OTUD7A: variants seen among roughly 807,000 people sequenced by gnomAD.
OTUD7A encodes the protein OTU deubiquitinase 7A.
A neutral mutation model predicts 65.7 loss-of-function variants in OTUD7A; 12 were observed. The observed-to-expected ratio is 0.18, with a 90% CI of 0.12 to 0.30. The LOEUF is 0.30. OTUD7A is among the 10% of genes least tolerant of loss of function. The pLI, the probability that OTUD7A is intolerant of heterozygous loss-of-function variation, is 1.00. For missense variants in OTUD7A, 1,148 were observed against 1,304.8 expected, an observed-to-expected ratio of 0.88 and a Z score of 1.85; for synonymous variants, 641 against 586.3, an observed-to-expected ratio of 1.09 and a Z score of -1.35.
intron 1 of OTUD7A, among the ~76,000 whole-genome samples, chr15:31,762,562 C>T (rs1894995375): frequency 6.6e-6 from 1 of 152,250 alleles, no homozygotes; most frequent in Admixed American, 6.5e-5. Context: ...CTAAACAGTA[C>T]ACCAAAGGCT....
At chr15:31,795,552 G>C (rs1454014706) in intron 1 of OTUD7A, among the ~76,000 whole-genome samples, 1 of 152,208 alleles carries the variant, frequency 6.6e-6, no homozygotes, top group Non-Finnish European at 1.5e-5. Flanking sequence ...TTTCTGGGAG[G>C]TGAGAACAGT....
At chr15:31,834,836 G>A (rs1458499064) in intron 1 of OTUD7A, among the ~76,000 whole-genome samples, 2 of 152,218 alleles carry the variant, frequency 1.3e-5, no homozygotes, top group African/African-American at 2.4e-5. Flanking sequence ...AAGGGTAATT[G>A]CAAATAGGAC....
rs1433130580 is a variant in OTUD7A, at chr15:31,743,858, T to C, written c.-99-86781A>G. On this transcript the variant is annotated intron_variant, in intron 1 of 12. Coordinates refer to ENST00000307050, the MANE Select transcript of OTUD7A (RefSeq NM_001382637.1). ...TAGCAAGACTGATGAAAGAGAGAAA[T>C]GAGAAGGTGAGGGAGGGAAAGAGGG... 2.6e-5 allele frequency among the ~76,000 whole-genome samples: 4 copies of C among 151,434 alleles called. No individual in the cohort carries two copies. In the East Asian group the frequency reaches 7.8e-4, roughly 29 times the overall value.
At chr15:31,765,601 A>G in intron 1 of OTUD7A, 1 of 556,542 alleles carries the variant, frequency 1.8e-6, no homozygotes, top group African/African-American at 1.9e-5. Context: ...CACATTGATA[A>G]ACATCTATTT....
chr15:31,703,145 A>G (rs1893251937), intron 1 of OTUD7A, among the ~76,000 whole-genome samples: 2 of 152,100 alleles, frequency 1.3e-5, no homozygotes, highest in African/African-American at 4.8e-5. Flanking sequence ...ATATAAGACT[A>G]CAAAACTTTT....
At chr15:31,835,367 G>A (rs181988235) in intron 1 of OTUD7A, among the ~76,000 whole-genome samples, 6 of 152,234 alleles carry the variant, frequency 3.9e-5, no homozygotes, top group Admixed American at 1.3e-4. Context: ...TAGGCATCCC[G>A]TATTATTATC....
chr15:31,793,986 GC>G (rs1895885683), intron 1 of OTUD7A, among the ~76,000 whole-genome samples: 1 of 152,224 alleles, frequency 6.6e-6, no homozygotes, highest in South Asian at 2.1e-4. Context: ...AATTATTTTT[GC>G]CTTATAATTT....
chr15:31,856,943 C>G (rs528426078), intron 1 of OTUD7A, among the ~76,000 whole-genome samples: 1 of 152,328 alleles, frequency 6.6e-6, no homozygotes, highest in African/African-American at 2.4e-5. Flanking sequence ...GAGCCCCTCT[C>G]TTTTTCCAGG....
intron 4 of OTUD7A, among the ~76,000 whole-genome samples, chr15:31,566,480 A>G (rs1015947463): frequency 6.6e-6 from 1 of 152,258 alleles, no homozygotes; most frequent in Admixed American, 6.5e-5. Flanking sequence ...GCCACGTTAC[A>G]AAGGGGAAAT....
chr15:31,777,268 T>C (rs1895408472), intron 1 of OTUD7A, among the ~76,000 whole-genome samples: 1 of 152,188 alleles, frequency 6.6e-6, no homozygotes, highest in Admixed American at 6.5e-5. Flanking sequence ...TCATTCCACA[T>C]GACCTTATCA....
intron 1 of OTUD7A, among the ~76,000 whole-genome samples, chr15:31,739,842 G>A (rs12910216): frequency 6.6e-6 from 1 of 152,082 alleles, no homozygotes; most frequent in Non-Finnish European, 1.5e-5. Flanking sequence ...AAAGTGCTGG[G>A]ATTAAAGGCT....
intron 1 of OTUD7A, among the ~76,000 whole-genome samples, chr15:31,678,940 G>A (rs1471331588): frequency 6.6e-6 from 1 of 152,218 alleles, no homozygotes; most frequent in Non-Finnish European, 1.5e-5. Context: ...CTCAACACAA[G>A]CCTGTGAAAG....
chr15:31,564,838 G>GA (rs1348575671), intron 4 of OTUD7A, among the ~76,000 whole-genome samples: 18 of 152,152 alleles, frequency 1.2e-4, no homozygotes, highest in Middle Eastern at 3.4e-3. Context: ...TATATCAGCA[G>GA]AAAAAATGAT....
intron 1 of OTUD7A, among the ~76,000 whole-genome samples, chr15:31,710,745 T>A (rs548437478): frequency 4.4e-4 from 67 of 152,246 alleles, no homozygotes; most frequent in East Asian, 4.1e-3. Flanking sequence ...GAAAGTGGAA[T>A]ACTGAAATCC....
chr15:31,513,236 A>G (rs2041785019), intron 8 of OTUD7A, among the ~76,000 whole-genome samples: 1 of 152,258 alleles, frequency 6.6e-6, no homozygotes, highest in African/African-American at 2.4e-5. Context: ...ATAGTTGCGC[A>G]CATACAGTAA....
intron 3 of OTUD7A, among the ~76,000 whole-genome samples, chr15:31,597,878 C>A (rs781615940): frequency 3.3e-5 from 5 of 152,238 alleles, no homozygotes; most frequent in Non-Finnish European, 7.3e-5. Flanking sequence ...CATAGAGGGG[C>A]TGCTGGGCTT....
chr15:31,581,461 G>A (rs547639790), intron 3 of OTUD7A, among the ~76,000 whole-genome samples: 1 of 152,390 alleles, frequency 6.6e-6, no homozygotes, highest in African/African-American at 2.4e-5. Flanking sequence ...TGCACTAGCA[G>A]AGGTTCTCCA....
chr15:31,562,037 A>G (rs570317341), intron 4 of OTUD7A, among the ~76,000 whole-genome samples: 65 of 152,288 alleles, frequency 4.3e-4, no homozygotes, highest in African/African-American at 1.5e-3. Flanking sequence ...TTTAATTTTT[A>G]CAGAGATGGG....
chr15:31,730,895 G>A (rs1033835696), intron 1 of OTUD7A, among the ~76,000 whole-genome samples: 1 of 152,204 alleles, frequency 6.6e-6, no homozygotes, highest in African/African-American at 2.4e-5. Flanking sequence ...TTCAAACTCA[G>A]GTACTGCATG....
Sources: gnomAD v4.1 joint callset for allele counts (sites outside exome capture counted in the v4.1 genomes callset) on GRCh38, gnomAD v4.1.1 for gene constraint, MANE v1.5 for transcripts, NCBI Gene and HGNC (gene_info 2026-07-23, HGNC 2026-07-21) for gene names.